The following ZNF729 variants were observed in gnomAD, a reference collection of about 807,000 sequenced individuals.
ZNF729 encodes zinc finger protein 729.
In ZNF729, 15 loss-of-function variants were observed where a neutral mutation model predicts 12.2. That is an observed-to-expected ratio of 1.23 (90% CI 0.82 to 1.89). The LOEUF is 1.89. Among genes scored for constraint, ZNF729 ranks in the 40% most tolerant of loss-of-function variants. The probability of loss-of-function intolerance (pLI) is 0.00; values close to 1 mark genes in which losing one functional copy is unlikely to be tolerated. For synonymous variants in ZNF729, 492 were observed against 476.3 expected (o/e 1.03, Z -0.43); for missense variants, 1,540 against 1,456.7 (o/e 1.06, Z -0.93).
chr19:22,317,110 A>G lies in ZNF729; in HGVS notation c.3693A>G (p.Leu1231=). ...VPKLLSNPHT[L]LDKTIHTGEK... ...AGCTTTTAAGCAATCCTCACACCTTACTAGACAAAACAATTCATACTGGAG... is the reference window on the plus strand; with the variant it reads ...AGCTTTTAAGCAATCCTCACACCTTGCTAGACAAAACAATTCATACTGGAG... Residue 1231 remains leucine (L), a synonymous_variant, in exon 4 of 4, where the codon TTA becomes TTG. Coordinates refer to ENST00000601693, the MANE Select transcript of ZNF729 (RefSeq NM_001242680.2). The G allele has an allele frequency of 6.3e-7, 1 of 1,599,198 alleles. No individual in the cohort carries two copies. Among genetic ancestry groups the G allele is most frequent in the Non-Finnish European group, 8.5e-7 (1 of 1,173,470 alleles).
chr19:22,310,047 T>A (rs1403224377), intron 3 of ZNF729, among the ~76,000 whole-genome samples: 1 of 152,180 alleles, frequency 6.6e-6, no homozygotes, highest in African/African-American at 2.4e-5. Context: ...AGCTACTGAT[T>A]TGTATACATT....
chr19:22,316,835 G>A lies in ZNF729; in HGVS notation c.3418G>A (p.Ala1140Thr). The A allele has an allele frequency of 6.2e-7, 1 of 1,613,130 alleles. No homozygotes were observed. ...CTACAAATGTGAAGAATGTGGCAAA[G>A]CCTTTAGTCAGTCCTCAATCCTTAC... ...KPYKCEECGK[A>T]FSQSSILTKH... Residue 1140 changes from alanine to threonine, a missense_variant, in exon 4 of 4, where the codon GCC becomes ACC. Coordinates refer to ENST00000601693, the MANE Select transcript of ZNF729 (RefSeq NM_001242680.2).
rs367601689 is a variant in ZNF729 at position 22,290,232 on chromosome 19, TGA to T, written c.30+3682_30+3683del. On this transcript the variant is annotated intron_variant, in intron 1 of 3. Coordinates refer to ENST00000601693, the MANE Select transcript of ZNF729 (RefSeq NM_001242680.2). Reference sequence around the variant, plus strand: ...CCAGCCATGGAAGACGCCTTTATCCTGAGAGAAACTACATAGCCTTGGAAAGT... The same window carrying T: ...CCAGCCATGGAAGACGCCTTTATCCTGAGAAACTACATAGCCTTGGAAAGT... 5.5e-3 allele frequency among the ~76,000 whole-genome samples: 845 copies of T among 152,266 alleles called. 10 individuals carry two copies. Among genetic ancestry groups the T allele is most frequent in the African/African-American group, 0.017 (697 of 41,552 alleles).
In ZNF729 at chr19:22,301,390, A is replaced by G. The variant is rs1319047890; in HGVS notation, c.31-2368A>G. 2.0e-5 allele frequency among the ~76,000 whole-genome samples: 3 copies of G among 152,060 alleles called. 1 individual carries two copies. The highest frequency in any genetic ancestry group is 7.2e-5 in the African/African-American group (3 of 41,398). ...TTTTCTCAGCTTTTTCGTTTTAGGTAGACATATTTAGAATGTGCCAGAGTA... is the reference window on the plus strand; with the variant it reads ...TTTTCTCAGCTTTTTCGTTTTAGGTGGACATATTTAGAATGTGCCAGAGTA... On this transcript the variant is annotated intron_variant, in intron 1 of 3. Coordinates refer to ENST00000601693, the MANE Select transcript of ZNF729 (RefSeq NM_001242680.2).
chr19:22,309,689 C>CT (rs34824453), intron 3 of ZNF729, among the ~76,000 whole-genome samples: 3,624 of 140,530 alleles, frequency 0.026, 113 homozygotes, highest in African/African-American at 0.085. Context: ...GCTATGCAGG[C>CT]TTTTTTTTTT....
Position 22,315,475 on chromosome 19 carries a change from T to A in ZNF729, c.2058T>A (p.Cys686Ter). Residue 686 changes from cysteine (C) to a stop codon, truncating the protein, a stop_gained, in exon 4 of 4, where the codon TGT becomes TGA. Coordinates refer to ENST00000601693, the MANE Select transcript of ZNF729 (RefSeq NM_001242680.2). LOFTEE classifies it low-confidence loss of function (END_TRUNC). The stretch of plus-strand genomic sequence containing the variant: ...ATACTGGAAAGAAACCGTACAAATG[T>A]GAAGAATGTGGCAAAGCTTTTAGCC... Reference protein sequence around the residue: ...IIHTGKKPYKCEECGKAFSHF... With the variant: ...IIHTGKKPYK 6.2e-7 allele frequency: 1 copy of A among 1,612,466 alleles called. No homozygotes were observed. Among genetic ancestry groups the A allele is most frequent in the Non-Finnish European group, 8.5e-7 (1 of 1,179,758 alleles).
chr19:22,313,807 T>C lies in ZNF729; in HGVS notation c.390T>C (p.Asn130=), dbSNP rs1311126251. The part of the protein sequence containing the change: ...LRLRKDCKSA[N]EGKMHKEGYN... ...TAAGAAAAGATTGTAAAAGTGCCAA[T>C]GAGGGTAAGATGCACAAAGAAGGTT... is the stretch of plus-strand genomic sequence containing the variant. Residue 130 remains asparagine (N), a synonymous_variant, in exon 4 of 4, where the codon AAT becomes AAC. Transcript: ENST00000601693. The C allele has an allele frequency of 1.3e-6, 2 of 1,596,208 alleles. No individual in the cohort carries two copies. Among genetic ancestry groups the C allele is most frequent in the Non-Finnish European group, 1.7e-6 (2 of 1,172,786 alleles).
At position 22,313,785 on chromosome 19, in the gene ZNF729, GA is replaced by G. The variant is rs1968480823; in HGVS notation, c.372del (p.Asp125IlefsTer36). 16 of 1,597,558 alleles carry G rather than the reference GA, an allele frequency of 1.0e-5. 1 individual carries two copies. The highest frequency in any genetic ancestry group is 1.4e-5 in the Non-Finnish European group (16 of 1,173,216). Reference sequence around the variant, plus strand: ...TGTGGACATAAGAATTTACGATTAAGAAAAGATTGTAAAAGTGCCAATGAGG... The same window carrying G: ...TGTGGACATAAGAATTTACGATTAAGAAAGATTGTAAAAGTGCCAATGAGG... ...ARCGHKNLRL[R>X]KDCKSANEGK... On this transcript the variant is annotated frameshift_variant, in exon 4 of 4. Coordinates refer to ENST00000601693, the MANE Select transcript of ZNF729 (RefSeq NM_001242680.2). LOFTEE classifies it low-confidence loss of function (END_TRUNC).
intron 1 of ZNF729, among the ~76,000 whole-genome samples, chr19:22,294,657 C>CTTTTTTTTTTTTTTTT (rs71180535): frequency 1.1e-5 from 1 of 92,440 alleles, no homozygotes; most frequent in Non-Finnish European, 2.3e-5. Context: ...TTTTCTTTTT[C>CTTTTTTTTTTTTTTTT]TTTTTTTTTT....
In ZNF729 at chr19:22,286,479, G is replaced by A. The variant is rs1221648190; in HGVS notation, c.-47G>A. The A allele has an allele frequency of 1.2e-6, 2 of 1,611,682 alleles. No individual in the cohort carries two copies. Among genetic ancestry groups the A allele is most frequent in the South Asian group, 1.1e-5 (1 of 90,962 alleles). ...TCGCCTTCACTGCTGTGTGTCCTCA[G>A]CCTCTGTGGCCCTGTAACCTGCGGC... On this transcript the variant is annotated 5_prime_UTR_variant, in exon 1 of 4. Transcript: ENST00000601693.
chr19:22,300,541 C>A (rs1251862746), intron 1 of ZNF729, among the ~76,000 whole-genome samples: 2 of 152,170 alleles, frequency 1.3e-5, no homozygotes, highest in African/African-American at 4.8e-5. Flanking sequence ...CTCAGGCTAT[C>A]AGTCAATTCA....
chr19:22,287,482 G>A (rs1183244936), intron 1 of ZNF729, among the ~76,000 whole-genome samples: 3 of 151,882 alleles, frequency 2.0e-5, no homozygotes, highest in African/African-American at 7.3e-5. Flanking sequence ...GGTCAGGCTG[G>A]TCTCGAACTC....
At chr19:22,299,135 G>A (rs1317471252) in intron 1 of ZNF729, 2 of 152,224 alleles carry the variant, frequency 1.3e-5, no homozygotes, top group African/African-American at 4.8e-5. Flanking sequence ...CTCATGCTGA[G>A]AGTAGCTGTG....
Position 22,316,124 on chromosome 19 carries a change from A to G in ZNF729, c.2707A>G (p.Thr903Ala). ...SKLTVHKVIH[T>A]AEKPCKCEEC... is the part of the protein sequence containing the mutation. ...ACTTACTGTACATAAGGTAATTCAT[A>G]CTGCAGAGAAACCCTGTAAATGTGA... is the stretch of plus-strand genomic sequence containing the variant. The change falls in exon 4 of 4, where the codon ACT (threonine) becomes GCT (alanine). Residue 903 changes from threonine (T) to alanine (A), a missense_variant. Thr to Ala is a moderately conservative substitution (Grantham distance 58, BLOSUM62 0). Coordinates refer to ENST00000601693, the MANE Select transcript of ZNF729 (RefSeq NM_001242680.2). 3 of 1,609,680 alleles carry G rather than the reference A, an allele frequency of 1.9e-6. No homozygotes were observed. Among genetic ancestry groups the G allele is most frequent in the South Asian group, 2.2e-5 (2 of 90,936 alleles).
chr19:22,310,537 C>CA, intron 3 of ZNF729, among the ~76,000 whole-genome samples: 1 of 152,260 alleles, frequency 6.6e-6, no homozygotes, highest in Middle Eastern at 3.4e-3. Context: ...ATCCCTGCAT[C>CA]ACTGGTATGA....
chr19:22,296,164 C>T (rs1229995715), intron 1 of ZNF729, among the ~76,000 whole-genome samples: 1 of 152,172 alleles, frequency 6.6e-6, no homozygotes, highest in Non-Finnish European at 1.5e-5. Flanking sequence ...GGAGGAGTCC[C>T]TTCTTCTCAA....
Position 22,315,795 on chromosome 19 carries a change from A to C in ZNF729, c.2378A>C (p.Glu793Ala). ...LMKHKVIHTG[E>A]KPYKCEECGK... is the part of the protein sequence containing the mutation. The stretch of plus-strand genomic sequence containing the variant: ...AAACATAAGGTAATTCATACTGGAG[A>C]GAAACCCTACAAGTGTGAAGAATGT... The change falls in exon 4 of 4, where the codon GAG becomes GCG. Residue 793 changes from glutamate (E) to alanine (A), a missense_variant. Coordinates refer to ENST00000601693, the MANE Select transcript of ZNF729 (RefSeq NM_001242680.2). 2 of 1,610,754 alleles carry C rather than the reference A, an allele frequency of 1.2e-6. No individual in the cohort carries two copies. The highest frequency in any genetic ancestry group is 1.3e-5 in the African/African-American group (1 of 75,038).
chr19:22,286,481 C>G lies in ZNF729; in HGVS notation c.-45C>G. On this transcript the variant is annotated 5_prime_UTR_variant, in exon 1 of 4. Coordinates refer to ENST00000601693, the MANE Select transcript of ZNF729 (RefSeq NM_001242680.2). ...GCCTTCACTGCTGTGTGTCCTCAGC[C>G]TCTGTGGCCCTGTAACCTGCGGCAT... The G allele has an allele frequency of 6.2e-7, 1 of 1,611,980 alleles. No homozygotes were observed. Among genetic ancestry groups the G allele is most frequent in the Non-Finnish European group, 8.5e-7 (1 of 1,179,646 alleles).
Position 22,315,869 on chromosome 19 carries a change from C to A in ZNF729, c.2452C>A (p.His818Asn). ...AAAGCTTACTGTACATAAGGTAATT[C>A]ATACTGGAGAGAAACCCTGCAAATG... ...SSKLTVHKVI[H>N]TGEKPCKCEE... Residue 818 changes from histidine (H) to asparagine (N), a missense_variant, in exon 4 of 4, where the codon CAT becomes AAT. Coordinates refer to ENST00000601693, the MANE Select transcript of ZNF729 (RefSeq NM_001242680.2). The A allele has an allele frequency of 6.2e-7, 1 of 1,611,324 alleles. No individual in the cohort carries two copies. Among genetic ancestry groups the A allele is most frequent in the South Asian group, 1.1e-5 (1 of 91,070 alleles).
Sources: allele counts gnomAD v4.1 joint callset (sites outside exome capture counted in the v4.1 genomes callset), GRCh38; gene constraint gnomAD v4.1.1; transcripts MANE v1.5; gene names NCBI Gene and HGNC (gene_info 2026-07-23, HGNC 2026-07-21).